The following KALRN variants were observed in gnomAD, a reference collection of about 807,000 sequenced individuals.
The protein encoded by KALRN is kalirin RhoGEF kinase, also known as kalirin.
KALRN carries 70 observed loss-of-function variants against 353.7 expected under a neutral mutation model. The observed-to-expected ratio is 0.20, with a 90% confidence interval of 0.16 to 0.24. The LOEUF (loss-of-function observed/expected upper bound fraction) is 0.24, where lower values mean the gene tolerates loss of function less well. Ranked by LOEUF, KALRN falls within the 10% of genes least tolerant of loss-of-function variation. The pLI is 1.00. For synonymous variants in KALRN, 1,391 were observed against 1,434.8 expected (o/e 0.97, Z 0.69); for missense variants, 2,791 against 3,756.7 (o/e 0.74, Z 6.72).
chr3:124,229,180 G>C (rs1272485107), intron 2 of KALRN, among the ~76,000 whole-genome samples: 1 of 152,222 alleles, frequency 6.6e-6, no homozygotes, highest in East Asian at 1.9e-4. Flanking sequence ...CTATTGCAGA[G>C]ACCATTTGGC....
chr3:124,587,835 T>C (rs887460485), intron 34 of KALRN, among the ~76,000 whole-genome samples: 3 of 150,786 alleles, frequency 2.0e-5, no homozygotes, highest in African/African-American at 7.3e-5. Flanking sequence ...GCTGGGACCA[T>C]AGGTGCATGC....
intron 34 of KALRN, among the ~76,000 whole-genome samples, chr3:124,570,623 A>G (rs2073407792): frequency 1.3e-5 from 2 of 152,236 alleles, no homozygotes; most frequent in South Asian, 4.1e-4. Flanking sequence ...GCATTTGAAT[A>G]AGAAATGTTG....
At chr3:124,479,849 G>A (rs985023885) in intron 27 of KALRN, among the ~76,000 whole-genome samples, 6 of 149,810 alleles carry the variant, frequency 4.0e-5, no homozygotes, top group East Asian at 2.0e-4. Context: ...TCAGCCTCCC[G>A]AGTAGCTGGG....
intron 33 of KALRN, among the ~76,000 whole-genome samples, chr3:124,530,821 T>A (rs1189254416): frequency 6.6e-6 from 1 of 152,160 alleles, no homozygotes; most frequent in Non-Finnish European, 1.5e-5. Flanking sequence ...TTCCTGCCAC[T>A]CTTTCAAAGT....
chr3:124,081,057 C>T (rs1169761030), intron 1 of KALRN, among the ~76,000 whole-genome samples: 1 of 152,176 alleles, frequency 6.6e-6, no homozygotes, highest in African/African-American at 2.4e-5. Flanking sequence ...ACGCTCATCC[C>T]ATTCATTTTT....
chr3:124,688,101 C>T (rs1338242074), intron 51 of KALRN, among the ~76,000 whole-genome samples: 2 of 151,890 alleles, frequency 1.3e-5, no homozygotes, highest in Non-Finnish European at 2.9e-5. Flanking sequence ...TACTTGAGGC[C>T]CAGAGTTCAA....
intron 16 of KALRN, among the ~76,000 whole-genome samples, chr3:124,431,427 T>C (rs987918011): frequency 2.0e-5 from 3 of 152,226 alleles, no homozygotes; most frequent in African/African-American, 7.2e-5. Flanking sequence ...TAATCTAATA[T>C]AAATTTTGTC....
At chr3:124,168,719 T>C (rs1013190645) in intron 1 of KALRN, among the ~76,000 whole-genome samples, 4 of 152,222 alleles carry the variant, frequency 2.6e-5, no homozygotes, top group African/African-American at 9.6e-5. Context: ...TCCTGTTAAA[T>C]TATGTTAAAT....
At chr3:124,547,737 G>A (rs2069879662) in intron 33 of KALRN, among the ~76,000 whole-genome samples, 1 of 152,078 alleles carries the variant, frequency 6.6e-6, no homozygotes, top group Non-Finnish European at 1.5e-5. Context: ...GCTGGTTATG[G>A]TTGTGCCCCT....
At chr3:124,397,714 C>T (rs1226587504) in intron 12 of KALRN, among the ~76,000 whole-genome samples, 1 of 152,174 alleles carries the variant, frequency 6.6e-6, no homozygotes, top group African/African-American at 2.4e-5. Context: ...TAAGGCATCA[C>T]CTCTCCCTAC....
chr3:124,225,565 C>A (rs1249360544), intron 1 of KALRN, among the ~76,000 whole-genome samples: 1 of 152,152 alleles, frequency 6.6e-6, no homozygotes, highest in Non-Finnish European at 1.5e-5. Context: ...CCCATGACTG[C>A]AAGCTGCATG....
chr3:124,264,082 G>T (rs1363906258), intron 3 of KALRN, among the ~76,000 whole-genome samples: 1 of 151,236 alleles, frequency 6.6e-6, no homozygotes, highest in Non-Finnish European at 1.5e-5. Context: ...TGCGGTGGAG[G>T]GGAATGTTTG....
chr3:124,197,900 A>T (rs918534187), intron 1 of KALRN, among the ~76,000 whole-genome samples: 2 of 152,100 alleles, frequency 1.3e-5, no homozygotes, highest in Non-Finnish European at 2.9e-5. Flanking sequence ...CTGCTCTCCG[A>T]TGGTTTCCAC....
intron 10 of KALRN, among the ~76,000 whole-genome samples, chr3:124,377,005 A>C (rs902065397): frequency 6.6e-6 from 1 of 152,220 alleles, no homozygotes; most frequent in Non-Finnish European, 1.5e-5. Context: ...TGTAATTCAA[A>C]GTAATAAAGA....
At position 124,243,419 on chromosome 3, in the gene KALRN, G is replaced by C. The variant is rs376659751; in HGVS notation, c.263+8476G>C. On this transcript the variant is annotated intron_variant, in intron 3 of 59. Coordinates refer to ENST00000682506, the MANE Select transcript of KALRN (RefSeq NM_001388419.1). ...AGCAATCAGAGGCGGAAACCACTTGGTCATGAAGTAACTATGAGAAGCAGC... is the reference window on the plus strand; with the variant it reads ...AGCAATCAGAGGCGGAAACCACTTGCTCATGAAGTAACTATGAGAAGCAGC... Among the ~76,000 whole-genome samples the C allele has an allele frequency of 7.2e-5, 11 of 152,282 alleles. No individual in the cohort carries two copies. In the East Asian group the frequency reaches 2.1e-3, roughly 29 times the overall value.
chr3:124,620,559 T>A (rs1406323216), intron 34 of KALRN, among the ~76,000 whole-genome samples: 3 of 152,202 alleles, frequency 2.0e-5, no homozygotes, highest in Admixed American at 1.3e-4. Context: ...ATATTTACTC[T>A]TAGAAGAGCA....
chr3:124,515,881 C>G (rs1040716719), intron 33 of KALRN, among the ~76,000 whole-genome samples: 4 of 152,102 alleles, frequency 2.6e-5, no homozygotes, highest in Non-Finnish European at 5.9e-5. Context: ...TTTTAAGGTA[C>G]CAAGTGGGCT....
chr3:124,540,573 C>T (rs1021756788), intron 33 of KALRN, among the ~76,000 whole-genome samples: 2 of 152,190 alleles, frequency 1.3e-5, no homozygotes, highest in African/African-American at 4.8e-5. Context: ...TGGAGTGGAC[C>T]TTGAAATCTT....
chr3:124,580,231 T>G (rs1370465467), intron 34 of KALRN, among the ~76,000 whole-genome samples: 1 of 152,176 alleles, frequency 6.6e-6, no homozygotes, highest in Non-Finnish European at 1.5e-5. Context: ...GATGTATACT[T>G]GAGTTTGAGA....
Sources: allele counts gnomAD v4.1 joint callset (sites outside exome capture counted in the v4.1 genomes callset), GRCh38; gene constraint gnomAD v4.1.1; transcripts MANE v1.5; gene names NCBI Gene and HGNC (gene_info 2026-07-23, HGNC 2026-07-21).